The following PHLPP2 variants were observed in gnomAD, a reference collection of about 807,000 sequenced individuals.
PHLPP2 encodes the protein PH domain leucine-rich repeat-containing protein phosphatase 2.
Under a neutral mutation model 124.9 loss-of-function variants are expected in PHLPP2, and 66 were observed. The observed-to-expected ratio is 0.53, with a 90% CI of 0.43 to 0.65. The LOEUF (loss-of-function observed/expected upper bound fraction) is 0.65, where lower values mean the gene tolerates loss of function less well. PHLPP2 is among the 30% of genes least tolerant of loss of function. The probability of loss-of-function intolerance (pLI) is 0.00; values close to 1 mark genes in which losing one functional copy is unlikely to be tolerated. For synonymous variants in PHLPP2, 681 were observed against 624.7 expected (o/e 1.09, Z -1.34); for missense variants, 1,685 against 1,600.4 (o/e 1.05, Z -0.90).
chr16:71,682,463 G>GT (rs918332070), intron 5 of PHLPP2, among the ~76,000 whole-genome samples: 2 of 152,036 alleles, frequency 1.3e-5, no homozygotes, highest in African/African-American at 4.8e-5. Context: ...GATTACAGGC[G>GT]TGAGTCACAG....
intron 4 of PHLPP2, among the ~76,000 whole-genome samples, chr16:71,687,424 T>C (rs2045064531): frequency 6.6e-6 from 1 of 152,218 alleles, no homozygotes; most frequent in Non-Finnish European, 1.5e-5. Context: ...CATTTCACCT[T>C]CAACCTTCTA....
chr16:71,694,863 C>T (rs1469178459), intron 3 of PHLPP2, among the ~76,000 whole-genome samples: 2 of 152,040 alleles, frequency 1.3e-5, no homozygotes, highest in South Asian at 2.1e-4. Flanking sequence ...TGGCTCACTG[C>T]AAGCTCCGCC....
At chr16:71,681,721 G>T in intron 6 of PHLPP2, 30 bp downstream of exon 6, 2 of 1,567,150 alleles carry the variant, frequency 1.3e-6, no homozygotes, top group Non-Finnish European at 1.7e-6. Context: ...GGTTTTAACA[G>T]GTTAGTCTGG....
intron 1 of PHLPP2, among the ~76,000 whole-genome samples, chr16:71,719,798 T>C (rs892706976): frequency 6.6e-6 from 1 of 151,722 alleles, no homozygotes; most frequent in Non-Finnish European, 1.5e-5. Flanking sequence ...TTTACACTTT[T>C]GTTTGTTTGT....
intron 5 of PHLPP2, among the ~76,000 whole-genome samples, chr16:71,683,335 G>T (rs919290491): frequency 6.6e-6 from 1 of 152,174 alleles, no homozygotes; most frequent in Non-Finnish European, 1.5e-5. Flanking sequence ...AAATTATGTT[G>T]AAAGACTAAT....
At chr16:71,713,760 G>A (rs1022520982) in intron 2 of PHLPP2, among the ~76,000 whole-genome samples, 5 of 152,114 alleles carry the variant, frequency 3.3e-5, no homozygotes, top group South Asian at 4.1e-4. Context: ...ACATACTCAC[G>A]CATGGGCACA....
rs539625074 is a variant in PHLPP2, at chr16:71,672,374, C to A, written c.1472-52G>T. 3.0e-5 allele frequency: 38 copies of A among 1,275,820 alleles called. No individual in the cohort carries two copies. In the South Asian group the frequency reaches 4.3e-4, roughly 14 times the overall value. 79.0% of individuals were successfully genotyped at this position (1,275,820 alleles called of 1,614,324 possible). Reference sequence around the variant, plus strand: ...TGACATCCTCTAAAAAAGAAAGTAACTGAGAGCTGACAATGGAAAAGTAGC... The same window carrying A: ...TGACATCCTCTAAAAAAGAAAGTAAATGAGAGCTGACAATGGAAAAGTAGC... On this transcript the variant is annotated intron_variant, in intron 9 of 18. Coordinates refer to ENST00000568954, the MANE Select transcript of PHLPP2 (RefSeq NM_015020.3).
At position 71,684,483 on chromosome 16, in the gene PHLPP2, G is replaced by A; in HGVS notation, c.728C>T (p.Ala243Val). 1 of 1,613,860 alleles carries A rather than the reference G, an allele frequency of 6.2e-7. No individual in the cohort carries two copies. The highest frequency in any genetic ancestry group is 8.5e-7 in the Non-Finnish European group (1 of 1,179,900). ...CATCCCATTACTTTTCACCTTGGAT[G>A]CTTGCCGTTGCCATCGCTGGTACTC... ...LAEYQRWQRQ[A>V]SKVVSQRIST... Residue 243 changes from alanine to valine, a missense_variant, in exon 5 of 19, where the codon GCA (alanine) becomes GTA (valine). Coordinates refer to ENST00000568954, the MANE Select transcript of PHLPP2 (RefSeq NM_015020.3).
intron 9 of PHLPP2, among the ~76,000 whole-genome samples, chr16:71,673,193 T>G (rs974537676): frequency 6.6e-6 from 1 of 152,256 alleles, no homozygotes; most frequent in Non-Finnish European, 1.5e-5. Context: ...TTTTGTGGAC[T>G]AATATAAGTC....
At chr16:71,715,754 G>T (rs571595026) in intron 1 of PHLPP2, among the ~76,000 whole-genome samples, 46 of 149,654 alleles carry the variant, frequency 3.1e-4, no homozygotes, top group African/African-American at 1.1e-3. Flanking sequence ...CCAGGTGAGG[G>T]ATCATTTGAG....
At chr16:71,652,250 T>C (rs111267009) in intron 18 of PHLPP2, among the ~76,000 whole-genome samples, 158 of 152,358 alleles carry the variant, frequency 1.0e-3, no homozygotes, top group African/African-American at 3.5e-3. Context: ...GAATTCCACT[T>C]TGTGATAAAC....
intron 3 of PHLPP2, among the ~76,000 whole-genome samples, chr16:71,701,261 A>C (rs925756114): frequency 3.3e-5 from 5 of 151,380 alleles, no homozygotes; most frequent in African/African-American, 1.2e-4. Flanking sequence ...ACAGATAACT[A>C]ATTCATCTAT....
chr16:71,707,440 G>GCTGT, intron 2 of PHLPP2, among the ~76,000 whole-genome samples: 1 of 152,138 alleles, frequency 6.6e-6, no homozygotes, highest in Non-Finnish European at 1.5e-5. Context: ...CAGGACAGCG[G>GCTGT]CTGGTCACCA....
At chr16:71,656,045 A>G (rs1022940583) in intron 16 of PHLPP2, among the ~76,000 whole-genome samples, 1 of 152,152 alleles carries the variant, frequency 6.6e-6, no homozygotes, top group Non-Finnish European at 1.5e-5. Context: ...CTATCAGTCA[A>G]AGACCACCAG....
chr16:71,698,041 G>A (rs570821015), intron 3 of PHLPP2, among the ~76,000 whole-genome samples: 33 of 152,090 alleles, frequency 2.2e-4, no homozygotes, highest in Non-Finnish European at 5.9e-5. Context: ...TAGAGACGGG[G>A]TTTCACTGTG....
chr16:71,665,093 A>G (rs2044827002), intron 12 of PHLPP2, among the ~76,000 whole-genome samples: 1 of 152,168 alleles, frequency 6.6e-6, no homozygotes, highest in Admixed American at 6.5e-5. Flanking sequence ...GTGGATCACG[A>G]GGTCAGGAGA....
At chr16:71,658,595 TCATTCACTCTCCTGC>T (rs2044761347) in intron 14 of PHLPP2, 43 bp downstream of exon 14, 1 of 1,504,946 alleles carries the variant, frequency 6.6e-7, no homozygotes, top group Non-Finnish European at 9.1e-7. Context: ...GAAAATAATG[TCATTCACTCTCCTGC>T]CATTTCCCCC....
chr16:71,709,817 G>C (rs1460385365), intron 2 of PHLPP2, among the ~76,000 whole-genome samples: 1 of 152,062 alleles, frequency 6.6e-6, no homozygotes, highest in Non-Finnish European at 1.5e-5. Flanking sequence ...GCTGTACAAG[G>C]TTGTCCCACA....
intron 2 of PHLPP2, among the ~76,000 whole-genome samples, chr16:71,709,194 C>G (rs1048520568): frequency 5.3e-5 from 8 of 151,870 alleles, no homozygotes; most frequent in African/African-American, 1.7e-4. Context: ...CTCCCTTTCC[C>G]CTATTCAGTG....
Sources: allele counts gnomAD v4.1 joint callset (sites outside exome capture counted in the v4.1 genomes callset), GRCh38; gene constraint gnomAD v4.1.1; transcripts MANE v1.5; gene names NCBI Gene and HGNC (gene_info 2026-07-23, HGNC 2026-07-21).